ADCY3: variants seen among roughly 807,000 people sequenced by gnomAD.
ADCY3 encodes adenylate cyclase 3, also known as adenylate cyclase type 3.
A neutral mutation model predicts 119.4 loss-of-function variants in ADCY3; 70 were observed. The observed-to-expected ratio is 0.59, with a 90% CI of 0.48 to 0.72. ADCY3 has a LOEUF of 0.72. Ranked by LOEUF, ADCY3 falls within the 30% of genes least tolerant of loss-of-function variation. ADCY3 has a pLI of 0.00. For synonymous variants in ADCY3, 672 were observed against 621.4 expected, an observed-to-expected ratio of 1.08 and a Z score of -1.21; for missense variants, 1,238 against 1,541.6, an observed-to-expected ratio of 0.80 and a Z score of 3.30.
chr2:24,833,652 C>T (rs906400029), intron 11 of ADCY3, among the ~76,000 whole-genome samples: 2 of 152,328 alleles, frequency 1.3e-5, no homozygotes, highest in South Asian at 2.1e-4. Context: ...TTCTGTGTGC[C>T]GCATCGCTGC....
chr2:24,840,159 C>CAA, intron 6 of ADCY3, 128 bp from the exon 7 acceptor site: 1 of 1,302,100 alleles, frequency 7.7e-7, no homozygotes, highest in Non-Finnish European at 1.0e-6. Context: ...GGCAAGGTCC[C>CAA]CACAGCTTGG....
chr2:24,825,798 C>CCTTCA, intron 16 of ADCY3: 1 of 544,490 alleles, frequency 1.8e-6, no homozygotes, highest in Non-Finnish European at 3.3e-6. Context: ...TCCCCTCCCA[C>CCTTCA]CTTCACTCCC....
In ADCY3 at chr2:24,872,548, C is replaced by T. The variant is rs985823229; in HGVS notation, c.825+22G>A. 22 of 1,611,152 alleles carry T rather than the reference C, an allele frequency of 1.4e-5. No homozygotes were observed. Among genetic ancestry groups the T allele is most frequent in the Non-Finnish European group, 1.7e-5 (20 of 1,178,320 alleles). On this transcript the variant is annotated intron_variant, in intron 3 of 21. Coordinates refer to ENST00000679454, the MANE Select transcript of ADCY3 (RefSeq NM_004036.5). This position sits in a 1 kb window ranked among gnomAD's most constrained non-coding sequence, Gnocchi z 4.4. ...AGTCCCTGAGCCCAAGCTCCAGGCC[C>T]GAGGCCTCCCGAGAGCCTCACCTGC...
chr2:24,847,688 GAACCTAACT>G (rs1211929395), intron 3 of ADCY3, among the ~76,000 whole-genome samples: 1 of 152,206 alleles, frequency 6.6e-6, no homozygotes, highest in African/African-American at 2.4e-5. Flanking sequence ...ACCCGTCTCG[GAACCTAACT>G]AACCAGACAT....
intron 2 of ADCY3, among the ~76,000 whole-genome samples, chr2:24,893,602 CT>C (rs10707204): frequency 0.46 from 67,741 of 146,458 alleles, 17,890 homozygotes; most frequent in African/African-American, 0.77. Flanking sequence ...CAATACCTGT[CT>C]TTTTTTTTTT....
At position 24,834,404 on chromosome 2, in the gene ADCY3, C is replaced by T. The variant is rs894066337; in HGVS notation, c.1967+81G>A. ...GGCTTGCTCCCCAATGTCAGGCTCC[C>T]GCTGAGACACCTGCCCCCGCCCCCC... is the stretch of plus-strand genomic sequence containing the variant. On this transcript the variant is annotated intron_variant, in intron 11 of 21. Transcript: ENST00000679454. The surrounding 1 kb of genome is among the most constrained non-coding windows in gnomAD (Gnocchi z 4.2). 7.0e-6 allele frequency: 9 copies of T among 1,294,408 alleles called. No homozygotes were observed. The highest frequency in any genetic ancestry group is 2.7e-4 in the Middle Eastern group (1 of 3,694). 80.2% of individuals were successfully genotyped at this position (1,294,408 alleles called of 1,614,324 possible).
intron 2 of ADCY3, among the ~76,000 whole-genome samples, chr2:24,882,698 G>A (rs968533046): frequency 1.3e-5 from 2 of 152,232 alleles, no homozygotes; most frequent in Middle Eastern, 3.4e-3. Flanking sequence ...GGTGAGTGGC[G>A]GACCCCATAC....
chr2:24,828,234 T>A, intron 13 of ADCY3, 73 bp from the exon 14 acceptor site: 2 of 1,556,356 alleles, frequency 1.3e-6, no homozygotes, highest in Non-Finnish European at 1.7e-6. Context: ...GGGCTGTGCA[T>A]GGTAGTGCAC....
intron 2 of ADCY3, among the ~76,000 whole-genome samples, chr2:24,906,856 C>T (rs1204452222): frequency 6.6e-6 from 1 of 152,128 alleles, no homozygotes. Context: ...CAAGACTGGA[C>T]GTGGTGGCTC....
chr2:24,909,530 G>T (rs190413525), intron 2 of ADCY3, among the ~76,000 whole-genome samples: 1 of 152,284 alleles, frequency 6.6e-6, no homozygotes, highest in East Asian at 1.9e-4. Context: ...GCAAGGCAAA[G>T]TCTATACAGA....
Position 24,841,578 on chromosome 2 carries a change from G to T in ADCY3, c.1046C>A (p.Ala349Asp). The change falls in exon 5 of 22, where the codon GCC (alanine) becomes GAC (aspartate). Residue 349 changes from alanine to aspartate, a missense_variant. By Grantham distance (126) the Ala-to-Asp change is moderately radical (BLOSUM62 -2). Around this residue, in one of 7 missense-constraint regions of ADCY3, gnomAD observed 283 missense variants for 437.2 expected, o/e 0.65. Coordinates refer to ENST00000679454, the MANE Select transcript of ADCY3 (RefSeq NM_004036.5). This position sits in a 1 kb window ranked among gnomAD's most constrained non-coding sequence, Gnocchi z 5.8. The part of the protein sequence containing the change: ...ELVKLLNELF[A>D]RFDKLAAKYH... Reference sequence around the variant, plus strand: ...TACAGCTGCCAGCTTGTCAAAGCGGGCAAAGAGCTCGTTGAGCAGCTTCAC... The same window carrying T: ...TACAGCTGCCAGCTTGTCAAAGCGGTCAAAGAGCTCGTTGAGCAGCTTCAC... 6.2e-7 allele frequency: 1 copy of T among 1,613,234 alleles called. No individual in the cohort carries two copies. Among genetic ancestry groups the T allele is most frequent in the Non-Finnish European group, 8.5e-7 (1 of 1,179,916 alleles).
chr2:24,838,327 G>A (rs1000716321), intron 8 of ADCY3, 118 bp downstream of exon 8: 1 of 1,067,782 alleles, frequency 9.4e-7, no homozygotes, highest in Non-Finnish European at 1.3e-6. Flanking sequence ...ACCTCTCACA[G>A]CCAGCCACTG....
intron 2 of ADCY3, among the ~76,000 whole-genome samples, chr2:24,890,254 A>G (rs533729707): frequency 1.3e-5 from 2 of 152,154 alleles, no homozygotes; most frequent in African/African-American, 2.4e-5. Context: ...TTTTGCTTAC[A>G]TGTGCATGAG....
chr2:24,848,958 C>CA (rs970105307), intron 3 of ADCY3, among the ~76,000 whole-genome samples: 3 of 150,174 alleles, frequency 2.0e-5, no homozygotes, highest in African/African-American at 7.5e-5. Flanking sequence ...TGAGTCTCAG[C>CA]CCCCCCCGCC....
rs1044040 is a variant in ADCY3, at chr2:24,819,756, C to T, written c.*176G>A. 1.5e-6 allele frequency: 1 copy of T among 661,764 alleles called. No individual in the cohort carries two copies. Among genetic ancestry groups the T allele is most frequent in the Non-Finnish European group, 2.6e-6 (1 of 387,406 alleles). The allele number at this position is 661,764 out of a possible 1,614,324, so 41.0% of individuals were successfully genotyped here. Reference sequence around the variant, plus strand: ...ATGCTGGGGACACTACAGGCACACACAGGAATAGCAGGGCCACCCTCAGAG... The same window carrying T: ...ATGCTGGGGACACTACAGGCACACATAGGAATAGCAGGGCCACCCTCAGAG... On this transcript the variant is annotated 3_prime_UTR_variant, in exon 22 of 22. Coordinates refer to ENST00000679454, the MANE Select transcript of ADCY3 (RefSeq NM_004036.5).
At position 24,828,143 on chromosome 2, in the gene ADCY3, A is replaced by G. The variant is rs1422319128; in HGVS notation, c.2191T>C (p.Tyr731His). ...GCCGTTGCATTGCTGGGTCCCGTGT[A>G]GTACTGGAGACAGCTGAGCTGGAGG... ...VVDMLSCLQY[Y>H]TGPSNATAGM... Residue 731 changes from tyrosine to histidine, a missense_variant, in exon 14 of 22, where the codon TAC becomes CAC. Tyr to His is a moderately conservative substitution (Grantham distance 83, BLOSUM62 2). Around this residue, in one of 7 missense-constraint regions of ADCY3, gnomAD observed 499 missense variants for 571.0 expected, o/e 0.87. Coordinates refer to ENST00000679454, the MANE Select transcript of ADCY3 (RefSeq NM_004036.5). The G allele has an allele frequency of 6.2e-7, 1 of 1,613,904 alleles. No individual in the cohort carries two copies. The highest frequency in any genetic ancestry group is 2.2e-5 in the East Asian group (1 of 44,870).
chr2:24,919,387 G>C lies in ADCY3; in HGVS notation c.-197-203C>G, dbSNP rs1330693011. The C allele has an allele frequency of 5.5e-6, 1 of 183,260 alleles. No homozygotes were observed. The highest frequency in any genetic ancestry group is 2.4e-5 in the African/African-American group (1 of 42,176). The allele number at this position is 183,260 out of a possible 1,614,324, so 11.4% of individuals were successfully genotyped here. On this transcript the variant is annotated intron_variant, in intron 1 of 21. Transcript: ENST00000679454. The surrounding 1 kb of genome is among the most constrained non-coding windows in gnomAD (Gnocchi z 5.5). ...CCAGACACTCAATTTCCTGTCCCTG[G>C]CTTGTGGAAGGGCCTAGCCGCCTTT... is the stretch of plus-strand genomic sequence containing the variant.
Position 24,919,158 on chromosome 2 carries a change from A to G in ADCY3, c.-171T>C. The G allele has an allele frequency of 1.6e-6, 1 of 627,592 alleles. No homozygotes were observed. The highest frequency in any genetic ancestry group is 2.8e-6 in the Non-Finnish European group (1 of 362,600). 38.9% of individuals were successfully genotyped at this position (627,592 alleles called of 1,614,324 possible). ...GCAGGAACGCAGAGCGGGTTTCCAG[A>G]GCACAGGTAGCACTGATCAGCTAGA... is the stretch of plus-strand genomic sequence containing the variant. On this transcript the variant is annotated 5_prime_UTR_variant, in exon 2 of 22. Coordinates refer to ENST00000679454, the MANE Select transcript of ADCY3 (RefSeq NM_004036.5). This position sits in a 1 kb window ranked among gnomAD's most constrained non-coding sequence, Gnocchi z 5.5.
intron 13 of ADCY3, 104 bp downstream of exon 13, chr2:24,830,605 T>C: frequency 2.4e-6 from 2 of 822,816 alleles, no homozygotes; most frequent in East Asian, 2.5e-5. Flanking sequence ...CAAAGCTACA[T>C]GACGGTGGAG....
Sources: allele counts gnomAD v4.1 joint callset (sites outside exome capture counted in the v4.1 genomes callset), GRCh38; gene constraint gnomAD v4.1.1; regional missense constraint gnomAD v4.1.1; non-coding constraint Gnocchi (gnomAD v3.1); transcripts MANE v1.5; gene names NCBI Gene and HGNC (gene_info 2026-07-23, HGNC 2026-07-21).